The following IGFL2 variants were observed in gnomAD, a reference collection of about 807,000 sequenced individuals.
The protein encoded by IGFL2 is IGF like family member 2.
A neutral mutation model predicts 13.9 loss-of-function variants in IGFL2; 7 were observed. The observed-to-expected ratio is 0.51, with a 90% CI of 0.29 to 0.95. IGFL2 has a LOEUF of 0.95. Ranked by LOEUF, IGFL2 falls within the 40% of genes least tolerant of loss-of-function variation. The pLI is 0.08. For synonymous variants in IGFL2, 55 were observed against 55.8 expected (o/e 0.99, Z 0.07); for missense variants, 138 against 147.8 (o/e 0.93, Z 0.34).
chr19:46,187,422 A>T, the IGFL2 span, among the ~76,000 whole-genome samples: 144 of 131,414 alleles, frequency 1.1e-3, no homozygotes, highest in African/African-American at 3.9e-3. Context: ...AACCCATTTA[A>T]ACCTGAGATT....
the IGFL2 span, chr19:46,180,771 G>GT: frequency 6.6e-6 from 1 of 152,236 alleles, no homozygotes; most frequent in Non-Finnish European, 1.5e-5. Flanking sequence ...AACCACTGGT[G>GT]TAAGTCCAAG....
chr19:46,177,359 C>T, the IGFL2 span, among the ~76,000 whole-genome samples: 1 of 152,136 alleles, frequency 6.6e-6, no homozygotes, highest in Non-Finnish European at 1.5e-5. Context: ...TACCACTACC[C>T]TCCAGCTTGG....
the IGFL2 span, among the ~76,000 whole-genome samples, chr19:46,197,533 C>A: frequency 2.5e-3 from 379 of 152,284 alleles, 3 homozygotes; most frequent in African/African-American, 8.6e-3. Context: ...GTCTCTCCCC[C>A]ATCTCTGGCC....
At chr19:46,191,747 T>C in the IGFL2 span, among the ~76,000 whole-genome samples, 5 of 152,184 alleles carry the variant, frequency 3.3e-5, no homozygotes, top group Admixed American at 6.5e-5. Flanking sequence ...CGGCTTCTCA[T>C]GTTTGTTACT....
the IGFL2 span, among the ~76,000 whole-genome samples, chr19:46,183,416 TC>T: frequency 1.3e-5 from 2 of 151,498 alleles, no homozygotes; most frequent in Non-Finnish European, 2.9e-5. Flanking sequence ...TCTCATTTCT[TC>T]CCTCCCAGCC....
the IGFL2 span, among the ~76,000 whole-genome samples, chr19:46,102,310 G>T: frequency 6.6e-6 from 1 of 152,350 alleles, no homozygotes; most frequent in Admixed American, 6.5e-5. Flanking sequence ...TCAGCAAAGG[G>T]TGGTGGGATT....
At chr19:46,146,969 A>C (rs539565326), upstream of IGFL2, among the ~76,000 whole-genome samples, 127 of 152,350 alleles carry the variant, frequency 8.3e-4, 2 homozygotes, top group Middle Eastern at 0.017. Flanking sequence ...CATGGTATCC[A>C]GTGACACAAA....
chr19:46,101,449 C>T, the IGFL2 span, among the ~76,000 whole-genome samples: 101 of 152,320 alleles, frequency 6.6e-4, no homozygotes, highest in African/African-American at 2.4e-3. Flanking sequence ...AGGGAGGCCT[C>T]GCCCAGTGAG....
the IGFL2 span, among the ~76,000 whole-genome samples, chr19:46,094,134 C>CAGGA: frequency 7.0e-6 from 1 of 142,416 alleles, no homozygotes; most frequent in Non-Finnish European, 1.5e-5. Flanking sequence ...ATAGCTAAGA[C>CAGGA]AATTTTGTAA....
At chr19:46,094,352 A>G in the IGFL2 span, among the ~76,000 whole-genome samples, 1 of 152,148 alleles carries the variant, frequency 6.6e-6, no homozygotes, top group Non-Finnish European at 1.5e-5. Flanking sequence ...TGGTTTTAAA[A>G]AAATATTTAG....
the IGFL2 span, among the ~76,000 whole-genome samples, chr19:46,170,406 T>C: frequency 1.3e-5 from 2 of 152,238 alleles, no homozygotes; most frequent in African/African-American, 4.8e-5. Context: ...AAGCTGAGGA[T>C]GTATGCTGCC....
At chr19:46,103,761 G>A in the IGFL2 span, among the ~76,000 whole-genome samples, 1 of 152,148 alleles carries the variant, frequency 6.6e-6, no homozygotes, top group Non-Finnish European at 1.5e-5. Flanking sequence ...GGGTAAGGAC[G>A]AAGAGACCTA....
chr19:46,140,798 G>A (rs1647797981), upstream of IGFL2, among the ~76,000 whole-genome samples: 2 of 152,178 alleles, frequency 1.3e-5, no homozygotes, highest in Non-Finnish European at 1.5e-5. Context: ...GAGGCTCAGG[G>A]TGGAGCAGTC....
the IGFL2 span, among the ~76,000 whole-genome samples, chr19:46,115,645 A>G: frequency 1.3e-5 from 2 of 152,046 alleles, no homozygotes; most frequent in Non-Finnish European, 2.9e-5. Flanking sequence ...CAGTTTCACT[A>G]CCCGACTCTC....
chr19:46,213,515 AC>A, the IGFL2 span: 1 of 156,250 alleles, frequency 6.4e-6, no homozygotes. Flanking sequence ...TCCCAACCGA[AC>A]CCATCTCCCA....
At chr19:46,127,243 A>T in the IGFL2 span, among the ~76,000 whole-genome samples, 1 of 152,136 alleles carries the variant, frequency 6.6e-6, no homozygotes. Context: ...AAATAAAATT[A>T]GTTGGGCATG....
At chr19:46,093,739 T>C in the IGFL2 span, among the ~76,000 whole-genome samples, 1 of 152,220 alleles carries the variant, frequency 6.6e-6, no homozygotes, top group Non-Finnish European at 1.5e-5. Flanking sequence ...TTCTGTAGAC[T>C]ATAAACAATA....
chr19:46,091,336 G>A, the IGFL2 span, among the ~76,000 whole-genome samples: 467 of 152,310 alleles, frequency 3.1e-3, 1 homozygote, highest in African/African-American at 9.9e-3. Context: ...CCATTAAGTG[G>A]GGATATTTAT....
At chr19:46,203,033 CTG>C in the IGFL2 span, 1 of 152,220 alleles carries the variant, frequency 6.6e-6, no homozygotes, top group Admixed American at 6.5e-5. Context: ...AGCAACAAGA[CTG>C]TTTATTTTAC....
Sources: gnomAD v4.1 joint callset for allele counts (sites outside exome capture counted in the v4.1 genomes callset) on GRCh38, gnomAD v4.1.1 for gene constraint, MANE v1.5 for transcripts, NCBI Gene and HGNC (gene_info 2026-07-23, HGNC 2026-07-21) for gene names.